Variants in COP1 observed in about 807,000 individuals in gnomAD.
The protein encoded by COP1 is E3 ubiquitin-protein ligase COP1.
A neutral mutation model predicts 101.3 loss-of-function variants in COP1; 24 were observed. The observed-to-expected ratio is 0.24, with a 90% CI of 0.17 to 0.33. The LOEUF (loss-of-function observed/expected upper bound fraction) is 0.33, where lower values mean the gene tolerates loss of function less well. COP1 is among the 10% of genes least tolerant of loss of function. The probability of loss-of-function intolerance (pLI) is 1.00; values close to 1 mark genes in which losing one functional copy is unlikely to be tolerated. For synonymous variants in COP1, 347 were observed against 341.9 expected, an observed-to-expected ratio of 1.01 and a Z score of -0.17; for missense variants, 663 against 906.2, an observed-to-expected ratio of 0.73 and a Z score of 3.45.
At chr1:176,162,369 A>C (rs1410917135) in intron 5 of COP1, among the ~76,000 whole-genome samples, 5 of 152,232 alleles carry the variant, frequency 3.3e-5, no homozygotes, top group Non-Finnish European at 1.5e-5. Flanking sequence ...AGTTACGTAA[A>C]ATAAATGGAA....
chr1:176,016,504 C>T lies in COP1; in HGVS notation c.1729+11068G>A, dbSNP rs1665675929. 2.0e-5 allele frequency among the ~76,000 whole-genome samples: 3 copies of T among 152,110 alleles called. No individual in the cohort carries two copies. In the South Asian group the frequency reaches 6.2e-4, roughly 32 times the overall value. ...TTCTATGTAAGGGTAGGAGCAGAAA[C>T]CAGACTTCAGAGGAATGAGAAGCTG... On this transcript the variant is annotated intron_variant, in intron 15 of 19. Coordinates refer to ENST00000367669, the MANE Select transcript of COP1 (RefSeq NM_022457.7).
At chr1:176,103,927 G>A (rs1683869632) in intron 9 of COP1, among the ~76,000 whole-genome samples, 1 of 151,978 alleles carries the variant, frequency 6.6e-6, no homozygotes, top group African/African-American at 2.4e-5. Context: ...TAGATAAACT[G>A]ATACTAAAGT....
chr1:176,143,123 C>CAAGCGAGAGAGAGAGA (rs149024348), intron 6 of COP1, among the ~76,000 whole-genome samples: 6 of 146,724 alleles, frequency 4.1e-5, no homozygotes, highest in Non-Finnish European at 7.5e-5. Flanking sequence ...ACAGAACAAG[C>CAAGCGAGAGAGAGAGA]GAGAGAGAGA....
chr1:176,168,627 G>T, intron 3 of COP1: 1 of 219,596 alleles, frequency 4.6e-6, no homozygotes, highest in South Asian at 4.4e-5. Flanking sequence ...TGGTAATGGG[G>T]AGGGGTGGTA....
At chr1:176,168,204 C>G (rs577536190) in intron 3 of COP1, among the ~76,000 whole-genome samples, 1 of 151,684 alleles carries the variant, frequency 6.6e-6, no homozygotes, top group Non-Finnish European at 1.5e-5. Flanking sequence ...ATTACCGGTG[C>G]GCACCACCAC....
At chr1:176,164,248 A>G (rs1694762142) in intron 3 of COP1, among the ~76,000 whole-genome samples, 1 of 152,194 alleles carries the variant, frequency 6.6e-6, no homozygotes, top group Admixed American at 6.6e-5. Flanking sequence ...AGTATCTACT[A>G]TGAGTTAAGT....
intron 18 of COP1, among the ~76,000 whole-genome samples, chr1:175,967,396 G>A (rs932975915): frequency 2.6e-5 from 4 of 152,186 alleles, no homozygotes; most frequent in Admixed American, 6.5e-5. Flanking sequence ...TGAGGCATGA[G>A]AATTGCTTGA....
intron 9 of COP1, among the ~76,000 whole-genome samples, chr1:176,097,727 G>A (rs1682662996): frequency 6.6e-6 from 1 of 152,012 alleles, no homozygotes; most frequent in Admixed American, 6.5e-5. Context: ...AAACTAGCTA[G>A]GTGTGGTGGG....
At chr1:176,106,391 C>T (rs10913134) in intron 9 of COP1, among the ~76,000 whole-genome samples, 60,095 of 151,926 alleles carry the variant, frequency 0.4, 12,102 homozygotes, top group Middle Eastern at 0.45. Context: ...AACAAACCTC[C>T]TTCTTGCCTG....
intron 15 of COP1, chr1:176,017,134 C>G (rs538426730): frequency 1.3e-5 from 2 of 152,114 alleles, no homozygotes; most frequent in African/African-American, 4.8e-5. Context: ...ATTAAATGTT[C>G]AATGAATATT....
At chr1:175,952,070 G>A (rs73035646) in intron 18 of COP1, among the ~76,000 whole-genome samples, 8,111 of 152,132 alleles carry the variant, frequency 0.053, 470 homozygotes, top group South Asian at 0.14. Flanking sequence ...GAGAAAGATC[G>A]CCAATTTCCC....
rs1217144685 is a variant in COP1, at chr1:176,202,604, A to G, written c.407+3968T>C. On this transcript the variant is annotated intron_variant, in intron 1 of 19. Transcript: ENST00000367669. The stretch of plus-strand genomic sequence containing the variant: ...TCCCCGCTGCTTGAGAGGCTAAGAC[A>G]TGAAGATTGCTTGAGCCCAGGAGTT... 2.0e-5 allele frequency among the ~76,000 whole-genome samples: 3 copies of G among 151,698 alleles called. No individual in the cohort carries two copies. In the East Asian group the frequency reaches 5.9e-4, roughly 30 times the overall value.
intron 1 of COP1, among the ~76,000 whole-genome samples, chr1:176,197,968 C>A (rs183211380): frequency 1.6e-4 from 24 of 152,188 alleles, no homozygotes; most frequent in African/African-American, 5.8e-4. Context: ...AAAACCTCAA[C>A]TGAAAAGCAT....
intron 5 of COP1, 126 bp from the exon 6 acceptor site, chr1:176,149,200 T>C: frequency 2.2e-6 from 1 of 464,626 alleles, no homozygotes; most frequent in South Asian, 6.9e-5. Flanking sequence ...ATTATTTCTA[T>C]TTAATCAGTT....
chr1:176,050,336 G>A (rs780651857), intron 11 of COP1, among the ~76,000 whole-genome samples: 2 of 152,168 alleles, frequency 1.3e-5, no homozygotes, highest in African/African-American at 2.4e-5. Flanking sequence ...AGTACAATGC[G>A]GCACAAAGCA....
chr1:176,145,242 T>C (rs1572506955), intron 6 of COP1, among the ~76,000 whole-genome samples: 1 of 152,092 alleles, frequency 6.6e-6, no homozygotes, highest in Admixed American at 6.6e-5. Flanking sequence ...ATCAATGTAG[T>C]ACTAGGTGCT....
intron 15 of COP1, among the ~76,000 whole-genome samples, chr1:176,014,226 A>T (rs1463198736): frequency 6.6e-6 from 1 of 152,198 alleles, no homozygotes; most frequent in East Asian, 1.9e-4. Flanking sequence ...TTACATTTGA[A>T]AGGCTGCTTT....
intron 9 of COP1, among the ~76,000 whole-genome samples, chr1:176,087,311 G>A (rs1373611128): frequency 6.6e-6 from 1 of 152,182 alleles, no homozygotes; most frequent in East Asian, 1.9e-4. Flanking sequence ...TATCATCAGA[G>A]TGAACAGGCA....
intron 18 of COP1, among the ~76,000 whole-genome samples, chr1:175,980,371 AAC>A (rs1345092155): frequency 1.6e-5 from 2 of 124,494 alleles, no homozygotes; most frequent in Non-Finnish European, 3.7e-5. Context: ...TCTGCTTAAG[AAC>A]ACAGTTTAGT....
Sources: gnomAD v4.1 joint callset for allele counts (sites outside exome capture counted in the v4.1 genomes callset) on GRCh38, gnomAD v4.1.1 for gene constraint, MANE v1.5 for transcripts, NCBI Gene and HGNC (gene_info 2026-07-23, HGNC 2026-07-21) for gene names.